The following C8orf34 variants were observed in gnomAD, a reference collection of about 807,000 sequenced individuals.
The protein encoded by C8orf34 is uncharacterized protein C8orf34.
A neutral mutation model predicts 68.3 loss-of-function variants in C8orf34; 65 were observed. The ratio of observed to expected loss-of-function variants is 0.95; its 90% CI spans 0.78 to 1.17. C8orf34 has a LOEUF of 1.17. C8orf34 is among the 50% of genes most tolerant of loss of function. C8orf34 has a pLI of 0.00. For synonymous variants in C8orf34, 244 were observed against 241.2 expected, an observed-to-expected ratio of 1.01 and a Z score of -0.11; for missense variants, 664 against 655.4, an observed-to-expected ratio of 1.01 and a Z score of -0.14.
chr8:68,623,472 T>C (rs1461754373), intron 7 of C8orf34, among the ~76,000 whole-genome samples: 1 of 152,154 alleles, frequency 6.6e-6, no homozygotes, highest in Non-Finnish European at 1.5e-5. Flanking sequence ...TCCCTTGTTT[T>C]AAGGGGAGGG....
chr8:68,561,590 C>T (rs913162963), intron 7 of C8orf34, among the ~76,000 whole-genome samples: 3 of 152,062 alleles, frequency 2.0e-5, no homozygotes, highest in Admixed American at 6.5e-5. Context: ...AATCCTGTCT[C>T]TACTAAAAAT....
intron 3 of C8orf34, among the ~76,000 whole-genome samples, chr8:68,463,247 G>T (rs1439450084): frequency 6.6e-6 from 1 of 152,186 alleles, no homozygotes; most frequent in Non-Finnish European, 1.5e-5. Context: ...CCAGGAAGAA[G>T]TTGAATCTCT....
chr8:68,346,439 T>C (rs1044385521), intron 1 of C8orf34, among the ~76,000 whole-genome samples: 7 of 152,070 alleles, frequency 4.6e-5, no homozygotes, highest in Admixed American at 3.9e-4. Flanking sequence ...TGAACCTACA[T>C]TGACACATCC....
chr8:68,513,158 A>C (rs960850317), intron 5 of C8orf34, among the ~76,000 whole-genome samples: 1 of 152,222 alleles, frequency 6.6e-6, no homozygotes, highest in Admixed American at 6.5e-5. Flanking sequence ...AATAACCTTT[A>C]AGGCTGTTTT....
chr8:68,333,839 C>T (rs952842807), intron 1 of C8orf34, among the ~76,000 whole-genome samples: 4 of 152,202 alleles, frequency 2.6e-5, no homozygotes, highest in African/African-American at 9.7e-5. Context: ...GTCTTGTCAT[C>T]TATGCTTTGT....
intron 1 of C8orf34, among the ~76,000 whole-genome samples, chr8:68,387,261 A>G (rs1316819215): frequency 6.6e-6 from 1 of 152,066 alleles, no homozygotes; most frequent in Non-Finnish European, 1.5e-5. Flanking sequence ...AGGAGAGTGC[A>G]TGTCAAATTG....
At chr8:68,732,838 A>C (rs1822015174) in intron 10 of C8orf34, among the ~76,000 whole-genome samples, 1 of 152,192 alleles carries the variant, frequency 6.6e-6, no homozygotes, top group South Asian at 2.1e-4. Flanking sequence ...CGAGGCAGAC[A>C]GATCACCTGA....
At chr8:68,778,262 T>TA (rs1823577431) in intron 11 of C8orf34, among the ~76,000 whole-genome samples, 1 of 152,132 alleles carries the variant, frequency 6.6e-6, no homozygotes, top group African/African-American at 2.4e-5. Flanking sequence ...TGGTAAACAA[T>TA]AAAAAATAGT....
intron 1 of C8orf34, among the ~76,000 whole-genome samples, chr8:68,393,658 A>G (rs1808565706): frequency 6.6e-6 from 1 of 152,194 alleles, no homozygotes; most frequent in African/African-American, 2.4e-5. Context: ...TTGAGAAAAG[A>G]GAACTGACAA....
chr8:68,506,642 A>T (rs1814035660), intron 5 of C8orf34, among the ~76,000 whole-genome samples: 1 of 152,170 alleles, frequency 6.6e-6, no homozygotes, highest in Non-Finnish European at 1.5e-5. Flanking sequence ...TGTCTCAATT[A>T]TTTCCTAATT....
intron 5 of C8orf34, among the ~76,000 whole-genome samples, chr8:68,499,412 A>T (rs1264071264): frequency 6.6e-6 from 1 of 152,220 alleles, no homozygotes. Context: ...ATAAAAATAA[A>T]TAATAATGGA....
At chr8:68,607,062 A>G (rs1817875359) in intron 7 of C8orf34, among the ~76,000 whole-genome samples, 1 of 152,044 alleles carries the variant, frequency 6.6e-6, no homozygotes, top group South Asian at 2.1e-4. Context: ...GAAAACTCCC[A>G]TCTGTGTTTC....
intron 1 of C8orf34, among the ~76,000 whole-genome samples, chr8:68,391,158 T>A (rs1808464151): frequency 6.6e-6 from 1 of 152,114 alleles, no homozygotes; most frequent in Non-Finnish European, 1.5e-5. Context: ...TGGTATTTAC[T>A]TACTCCATGA....
intron 8 of C8orf34, among the ~76,000 whole-genome samples, chr8:68,665,779 A>T (rs191259248): frequency 1.1e-4 from 17 of 151,784 alleles, no homozygotes; most frequent in Admixed American, 9.2e-4. Flanking sequence ...ACCCTGTTAC[A>T]CTCCTTCTCT....
chr8:68,358,071 C>T (rs1806823661), intron 1 of C8orf34, among the ~76,000 whole-genome samples: 1 of 152,020 alleles, frequency 6.6e-6, no homozygotes, highest in Non-Finnish European at 1.5e-5. Flanking sequence ...TGGAAAATGC[C>T]TTAAATTCTT....
chr8:68,415,464 G>C (rs1809625939), intron 1 of C8orf34, among the ~76,000 whole-genome samples: 2 of 151,766 alleles, frequency 1.3e-5, no homozygotes, highest in South Asian at 4.2e-4. Flanking sequence ...TGGGCAACGA[G>C]AGTGAAATTC....
intron 8 of C8orf34, among the ~76,000 whole-genome samples, chr8:68,641,049 G>A (rs947080084): frequency 2.6e-5 from 4 of 152,172 alleles, no homozygotes; most frequent in African/African-American, 9.6e-5. Flanking sequence ...TCCCAGTGCT[G>A]GTCTAGCAGA....
In C8orf34 at chr8:68,787,467, G is replaced by A; in HGVS notation, c.1480G>A (p.Val494Ile). Residue 494 changes from valine to isoleucine, a missense_variant, in exon 12 of 14, where the codon GTA becomes ATA. By Grantham distance (29) the Val-to-Ile change is conservative. Coordinates refer to ENST00000518698, the MANE Select transcript of C8orf34 (RefSeq NM_052958.4). ...GGATGAATCCTTAAAGCAATTGCAGGTAGTTCATCAACCATGGATCTTGCC... is the reference window on the plus strand; with the variant it reads ...GGATGAATCCTTAAAGCAATTGCAGATAGTTCATCAACCATGGATCTTGCC... ...EEDESLKQLQ[V>I]VHQPWILPSD... is the part of the protein sequence containing the mutation. 1 of 1,612,012 alleles carries A rather than the reference G, an allele frequency of 6.2e-7. No homozygotes were observed. The highest frequency in any genetic ancestry group is 8.5e-7 in the Non-Finnish European group (1 of 1,178,684).
intron 10 of C8orf34, among the ~76,000 whole-genome samples, chr8:68,763,622 C>G (rs7821908): frequency 0.3 from 45,681 of 149,962 alleles, 7,570 homozygotes; most frequent in African/African-American, 0.44. Context: ...CCATCTCTTG[C>G]TACTAGAATA....
Sources: allele counts gnomAD v4.1 joint callset (sites outside exome capture counted in the v4.1 genomes callset), GRCh38; gene constraint gnomAD v4.1.1; transcripts MANE v1.5; gene names NCBI Gene and HGNC (gene_info 2026-07-23, HGNC 2026-07-21).